Variants in PRR16 observed in about 807,000 individuals in gnomAD.
The protein encoded by PRR16 is proline rich 16, also known as protein Largen.
PRR16 carries 6 observed loss-of-function variants against 18.2 expected under a neutral mutation model. The ratio of observed to expected loss-of-function variants is 0.33; its 90% CI spans 0.18 to 0.65. PRR16 has a LOEUF of 0.65. Ranked by LOEUF, PRR16 falls within the 30% of genes least tolerant of loss-of-function variation. The probability of loss-of-function intolerance (pLI) is 0.74; values close to 1 mark genes in which losing one functional copy is unlikely to be tolerated. For synonymous variants in PRR16, 151 were observed against 147.8 expected, an observed-to-expected ratio of 1.02 and a Z score of -0.16; for missense variants, 412 against 376.6, an observed-to-expected ratio of 1.09 and a Z score of -0.78.
chr5:120,505,584 A>G (rs1561521511), intron 1 of PRR16, among the ~76,000 whole-genome samples: 3 of 152,188 alleles, frequency 2.0e-5, no homozygotes, highest in Admixed American at 2.0e-4. Flanking sequence ...GAGGATGAAG[A>G]TTGAATGCAT....
At chr5:120,484,920 A>T (rs986501390) in intron 1 of PRR16, among the ~76,000 whole-genome samples, 9 of 151,602 alleles carry the variant, frequency 5.9e-5, no homozygotes, top group African/African-American at 2.2e-4. Context: ...AATTTCTTAT[A>T]TCATTTAAAT....
chr5:120,599,016 A>C (rs544486234), intron 1 of PRR16, among the ~76,000 whole-genome samples: 1 of 151,856 alleles, frequency 6.6e-6, no homozygotes. Context: ...AATATATTTC[A>C]TGGGATTTTT....
intron 1 of PRR16, among the ~76,000 whole-genome samples, chr5:120,520,961 A>G (rs1282044645): frequency 1.3e-5 from 2 of 152,132 alleles, no homozygotes; most frequent in East Asian, 1.9e-4. Context: ...AAATTTGTCC[A>G]CAAGAGGCTT....
At chr5:120,664,809 G>C (rs1332717742) in intron 1 of PRR16, among the ~76,000 whole-genome samples, 1 of 141,542 alleles carries the variant, frequency 7.1e-6, no homozygotes, top group African/African-American at 2.6e-5. Flanking sequence ...TGGCTGCATA[G>C]TATTCCGTGG....
At chr5:120,726,756 C>T in the PRR16 span, among the ~76,000 whole-genome samples, 1 of 151,896 alleles carries the variant, frequency 6.6e-6, no homozygotes, top group Non-Finnish European at 1.5e-5. Context: ...CTGACATGTC[C>T]ACTCTTGATG....
At chr5:120,717,907 A>G in the PRR16 span, among the ~76,000 whole-genome samples, 2 of 152,210 alleles carry the variant, frequency 1.3e-5, no homozygotes, top group African/African-American at 4.8e-5. Context: ...TGCTTTATAC[A>G]TTTAACTGAG....
At chr5:120,487,444 T>C (rs189929932) in intron 1 of PRR16, among the ~76,000 whole-genome samples, 1,621 of 152,298 alleles carry the variant, frequency 0.011, 13 homozygotes, top group East Asian at 0.024. Context: ...TTTGGCTCTC[T>C]GTTTGTCTGT....
At chr5:120,656,611 A>T (rs556618911) in intron 1 of PRR16, among the ~76,000 whole-genome samples, 1 of 152,116 alleles carries the variant, frequency 6.6e-6, no homozygotes, top group South Asian at 2.1e-4. Flanking sequence ...CACACATTTC[A>T]GTTAACATAT....
chr5:120,786,087 TG>T, the PRR16 span, among the ~76,000 whole-genome samples: 2 of 134,500 alleles, frequency 1.5e-5, no homozygotes, highest in African/African-American at 2.5e-5. Flanking sequence ...AGAAAGCTTT[TG>T]TTTTTTTTTT....
At chr5:120,672,414 C>T (rs543208634) in intron 1 of PRR16, among the ~76,000 whole-genome samples, 34 of 151,886 alleles carry the variant, frequency 2.2e-4, no homozygotes, top group African/African-American at 7.7e-4. Flanking sequence ...GGCACAGGAG[C>T]CTCCTGGTGT....
chr5:120,707,669 G>A, the PRR16 span, among the ~76,000 whole-genome samples: 1,100 of 152,212 alleles, frequency 7.2e-3, 8 homozygotes, highest in African/African-American at 0.024. Context: ...GGAAATTTCC[G>A]TTTACCCTCT....
chr5:120,587,871 T>A (rs1211728817), intron 1 of PRR16, among the ~76,000 whole-genome samples: 1 of 152,232 alleles, frequency 6.6e-6, no homozygotes, highest in Non-Finnish European at 1.5e-5. Flanking sequence ...ATTCTTCTGA[T>A]GGATATGGGA....
chr5:120,719,982 T>C, the PRR16 span, among the ~76,000 whole-genome samples: 5 of 152,026 alleles, frequency 3.3e-5, no homozygotes, highest in African/African-American at 1.2e-4. Flanking sequence ...GCCCCCAAAT[T>C]AAAGAACCTT....
At chr5:120,708,720 C>G in the PRR16 span, among the ~76,000 whole-genome samples, 1 of 151,926 alleles carries the variant, frequency 6.6e-6, no homozygotes, top group Non-Finnish European at 1.5e-5. Flanking sequence ...CCAAAGGAGA[C>G]CAGAATTAAA....
At chr5:120,632,763 G>A (rs1755100394) in intron 1 of PRR16, among the ~76,000 whole-genome samples, 1 of 152,280 alleles carries the variant, frequency 6.6e-6, no homozygotes, top group African/African-American at 2.4e-5. Context: ...AATAATCAGT[G>A]TTCCTGAGTA....
intron 1 of PRR16, among the ~76,000 whole-genome samples, chr5:120,542,707 T>C (rs772022752): frequency 4.6e-5 from 7 of 152,196 alleles, no homozygotes; most frequent in Non-Finnish European, 7.4e-5. Context: ...GTATATCTTA[T>C]AATTACATAA....
chr5:120,521,237 T>C (rs924678655), intron 1 of PRR16, among the ~76,000 whole-genome samples: 2 of 152,048 alleles, frequency 1.3e-5, no homozygotes, highest in Non-Finnish European at 1.5e-5. Context: ...TCCTTTATTT[T>C]TTGTGTGTGT....
At chr5:120,769,663 A>G in the PRR16 span, among the ~76,000 whole-genome samples, 2 of 151,944 alleles carry the variant, frequency 1.3e-5, no homozygotes, top group African/African-American at 2.4e-5. Flanking sequence ...TAAAGCTGCT[A>G]TGAACATTGG....
At chr5:120,569,841 A>G in intron 1 of PRR16, among the ~76,000 whole-genome samples, 1 of 152,152 alleles carries the variant, frequency 6.6e-6, no homozygotes, top group East Asian at 1.9e-4. Context: ...CATCTGAGTA[A>G]AGGGTTGATA....
Sources: gnomAD v4.1 joint callset for allele counts (sites outside exome capture counted in the v4.1 genomes callset) on GRCh38, gnomAD v4.1.1 for gene constraint, MANE v1.5 for transcripts, NCBI Gene and HGNC (gene_info 2026-07-23, HGNC 2026-07-21) for gene names.